The following AUTS2 variants were observed in gnomAD, a reference collection of about 807,000 sequenced individuals.
The protein encoded by AUTS2 is autism susceptibility gene 2 protein.
In AUTS2, 17 loss-of-function variants were observed where a neutral mutation model predicts 112.4. That is an observed-to-expected ratio of 0.15 (90% confidence interval 0.10 to 0.23). AUTS2 has a LOEUF of 0.23. AUTS2 is among the 10% of genes least tolerant of loss of function. The pLI is 1.00. For synonymous variants in AUTS2, 751 were observed against 702.7 expected (o/e 1.07, Z -1.09); for missense variants, 1,510 against 1,701.6 (o/e 0.89, Z 1.98).
chr7:69,599,728 C>T lies in AUTS2; in HGVS notation c.75C>T (p.Arg25=), dbSNP rs2129067349. 2 of 1,325,888 alleles carry T rather than the reference C, an allele frequency of 1.5e-6. No homozygotes were observed. Among genetic ancestry groups the T allele is most frequent in the South Asian group, 4.9e-5 (2 of 41,108 alleles). The allele number at this position is 1,325,888 out of a possible 1,614,324, so 82.1% of individuals were successfully genotyped here. A position where few individuals can be genotyped will look rare whatever the true frequency, so the allele number is the denominator to read the frequency against. Residue 25 remains arginine, a synonymous_variant, in exon 1 of 19, where the codon CGC becomes CGT. Transcript: ENST00000342771. This position sits in a 1 kb window ranked among gnomAD's most constrained non-coding sequence, Gnocchi z 7.0. ...RSRSQRDRER[R]SRGGLGAGAA... is the part of the protein sequence containing the mutation. The stretch of plus-strand genomic sequence containing the variant: ...GGTCGCAGCGAGACCGGGAGAGGCG[C>T]TCCCGGGGCGGGCTGGGGGCCGGCG...
chr7:70,283,077 G>T (rs1788296835), intron 4 of AUTS2, among the ~76,000 whole-genome samples: 1 of 152,140 alleles, frequency 6.6e-6, no homozygotes. Flanking sequence ...TTGGAATCCT[G>T]AAAAAGCTAC....
intron 1 of AUTS2, among the ~76,000 whole-genome samples, chr7:69,809,897 C>T (rs913714243): frequency 6.6e-6 from 1 of 152,244 alleles, no homozygotes; most frequent in Non-Finnish European, 1.5e-5. Flanking sequence ...GATCCTCTGT[C>T]TGCCTTCAGG....
chr7:70,472,182 G>A (rs1418925163), intron 5 of AUTS2, among the ~76,000 whole-genome samples: 1 of 152,156 alleles, frequency 6.6e-6, no homozygotes, highest in Non-Finnish European at 1.5e-5. Flanking sequence ...AGAGTCCTTT[G>A]GCGTAGCTTT....
chr7:70,736,846 C>T (rs373221913), intron 6 of AUTS2, among the ~76,000 whole-genome samples: 4 of 152,184 alleles, frequency 2.6e-5, no homozygotes, highest in African/African-American at 9.7e-5. Flanking sequence ...CCAGACATAG[C>T]GTAGACGGAT....
At chr7:70,355,730 C>A (rs1029241562) in intron 4 of AUTS2, among the ~76,000 whole-genome samples, 3 of 152,062 alleles carry the variant, frequency 2.0e-5, no homozygotes, top group African/African-American at 7.2e-5. Context: ...CATGGGGGAA[C>A]CAATCACAGG....
chr7:70,698,484 A>G (rs1184001702), intron 5 of AUTS2, 85 bp from the exon 6 acceptor site: 5 of 1,202,540 alleles, frequency 4.2e-6, no homozygotes, highest in Non-Finnish European at 6.0e-6. Context: ...AATGTAGTCA[A>G]CTGATTTAAA....
intron 2 of AUTS2, among the ~76,000 whole-genome samples, chr7:69,990,394 A>G (rs1185771445): frequency 6.6e-6 from 1 of 152,172 alleles, no homozygotes; most frequent in East Asian, 1.9e-4. Context: ...TAAAATATCT[A>G]GTTCATTTTC....
chr7:70,481,732 T>A (rs948393980), intron 5 of AUTS2, among the ~76,000 whole-genome samples: 2 of 152,174 alleles, frequency 1.3e-5, no homozygotes, highest in Admixed American at 1.3e-4. Flanking sequence ...TAGGATTAAG[T>A]GTTTGGGGTC....
intron 4 of AUTS2, among the ~76,000 whole-genome samples, chr7:70,169,000 A>G (rs1344855526): frequency 6.6e-6 from 1 of 152,166 alleles, no homozygotes; most frequent in Non-Finnish European, 1.5e-5. Context: ...TGGAGATTTT[A>G]ATAATCCCAA....
At chr7:70,375,149 A>G (rs866682691) in intron 4 of AUTS2, among the ~76,000 whole-genome samples, 1 of 152,188 alleles carries the variant, frequency 6.6e-6, no homozygotes, top group Non-Finnish European at 1.5e-5. Flanking sequence ...GGTTTATCCA[A>G]AAGACACCAT....
chr7:70,410,467 A>G (rs1397788183), intron 4 of AUTS2, among the ~76,000 whole-genome samples: 1 of 151,274 alleles, frequency 6.6e-6, no homozygotes, highest in East Asian at 1.9e-4. Flanking sequence ...TCTATCGCCC[A>G]GGCTGGAGTG....
At chr7:70,249,321 T>C (rs1375430152) in intron 4 of AUTS2, among the ~76,000 whole-genome samples, 2 of 152,160 alleles carry the variant, frequency 1.3e-5, no homozygotes, top group East Asian at 1.9e-4. Flanking sequence ...GTCCAAAATA[T>C]CATTTCAATA....
intron 1 of AUTS2, among the ~76,000 whole-genome samples, chr7:69,647,556 A>G (rs543989570): frequency 6.6e-6 from 1 of 152,130 alleles, no homozygotes; most frequent in East Asian, 1.9e-4. Context: ...AGGTCTCACT[A>G]TATTGCCTAG....
chr7:70,056,541 G>A (rs1258883362), intron 2 of AUTS2, among the ~76,000 whole-genome samples: 1 of 152,194 alleles, frequency 6.6e-6, no homozygotes, highest in Non-Finnish European at 1.5e-5. Context: ...TCACAGCTGG[G>A]AGCTGATAAG....
intron 1 of AUTS2, among the ~76,000 whole-genome samples, chr7:69,874,315 G>C (rs369568187): frequency 6.6e-6 from 1 of 152,196 alleles, no homozygotes. Context: ...ACTTACTCCA[G>C]AGGTGGGAGT....
At chr7:70,080,426 A>G (rs1457425168) in intron 2 of AUTS2, among the ~76,000 whole-genome samples, 1 of 152,176 alleles carries the variant, frequency 6.6e-6, no homozygotes, top group Non-Finnish European at 1.5e-5. Context: ...TTCAGGTACA[A>G]CCATAGGTTG....
At chr7:70,471,452 CTG>C (rs1797379030) in intron 5 of AUTS2, among the ~76,000 whole-genome samples, 1 of 152,094 alleles carries the variant, frequency 6.6e-6, no homozygotes, top group South Asian at 2.1e-4. Flanking sequence ...AATGAAGACT[CTG>C]AGATATGTAA....
chr7:69,949,619 A>G (rs1177776059), intron 2 of AUTS2, among the ~76,000 whole-genome samples: 1 of 152,208 alleles, frequency 6.6e-6, no homozygotes, highest in Non-Finnish European at 1.5e-5. Flanking sequence ...CTTAGATTTG[A>G]TTCTGTTTAG....
chr7:70,685,407 A>T (rs1808417977), intron 5 of AUTS2, among the ~76,000 whole-genome samples: 1 of 142,294 alleles, frequency 7.0e-6, no homozygotes, highest in African/African-American at 2.6e-5. Context: ...AGGGAGGCGG[A>T]GGTTGCAGTG....
Sources: allele counts gnomAD v4.1 joint callset (sites outside exome capture counted in the v4.1 genomes callset), GRCh38; gene constraint gnomAD v4.1.1; non-coding constraint Gnocchi (gnomAD v3.1); transcripts MANE v1.5; gene names NCBI Gene and HGNC (gene_info 2026-07-23, HGNC 2026-07-21).